The following MIR2052HG variants were observed in gnomAD, a reference collection of about 807,000 sequenced individuals.
MIR2052HG encodes MIR2052 host gene.
chr8:74,626,363 G>T (rs977787827), intron 2 of MIR2052HG, among the ~76,000 whole-genome samples: 2 of 152,160 alleles, frequency 1.3e-5, no homozygotes, highest in Admixed American at 1.3e-4. Flanking sequence ...CTTCCTTTCA[G>T]AAATTTGTAG....
intron 1 of MIR2052HG, among the ~76,000 whole-genome samples, chr8:74,604,890 G>T (rs1367826595): frequency 6.6e-6 from 1 of 152,020 alleles, no homozygotes; most frequent in Non-Finnish European, 1.5e-5. Flanking sequence ...CACCGCACCC[G>T]GCCGTTTCTT....
At chr8:74,670,300 G>C (rs745368976) in intron 2 of MIR2052HG, among the ~76,000 whole-genome samples, 7 of 136,720 alleles carry the variant, frequency 5.1e-5, no homozygotes, top group Non-Finnish European at 1.1e-4. Context: ...AACTGGCTTG[G>C]TGACTGTTGC....
chr8:74,603,123 TAA>T, intron 1 of MIR2052HG: 1 of 639,684 alleles, frequency 1.6e-6, no homozygotes. Context: ...AGAAAGGAAT[TAA>T]AACACTTTAA....
intron 1 of MIR2052HG, among the ~76,000 whole-genome samples, chr8:74,601,537 G>T (rs932356138): frequency 1.2e-4 from 19 of 152,122 alleles, no homozygotes; most frequent in Admixed American, 9.8e-4. Context: ...AGTTCCATTT[G>T]CCCAAGGATC....
intron 2 of MIR2052HG, among the ~76,000 whole-genome samples, chr8:74,628,040 C>T (rs1271652664): frequency 3.3e-5 from 5 of 152,116 alleles, no homozygotes; most frequent in African/African-American, 1.2e-4. Flanking sequence ...GACTTTGGTG[C>T]ACTGATGCCT....
chr8:74,608,200 A>G (rs1056020634), intron 1 of MIR2052HG, among the ~76,000 whole-genome samples: 3 of 151,316 alleles, frequency 2.0e-5, no homozygotes, highest in East Asian at 3.8e-4. Flanking sequence ...GTTCTGCTCT[A>G]GAGCTTCTAA....
At chr8:74,738,415 C>T (rs1314551021) in intron 4 of MIR2052HG, among the ~76,000 whole-genome samples, 1 of 152,130 alleles carries the variant, frequency 6.6e-6, no homozygotes, top group Non-Finnish European at 1.5e-5. Flanking sequence ...AAATGTAATT[C>T]TTCCTTTTTA....
chr8:74,666,502 A>G (rs749960329), intron 2 of MIR2052HG, among the ~76,000 whole-genome samples: 1 of 152,116 alleles, frequency 6.6e-6, no homozygotes, highest in Non-Finnish European at 1.5e-5. Flanking sequence ...GCTAGGACAT[A>G]TTGTCTCTGA....
chr8:74,718,307 A>T (rs182668962), intron 4 of MIR2052HG, among the ~76,000 whole-genome samples: 1 of 152,188 alleles, frequency 6.6e-6, no homozygotes, highest in African/African-American at 2.4e-5. Context: ...AGACCAGATG[A>T]CAGGGGCCTT....
At chr8:74,642,185 G>C (rs1298698640) in intron 2 of MIR2052HG, among the ~76,000 whole-genome samples, 1 of 152,064 alleles carries the variant, frequency 6.6e-6, no homozygotes, top group Non-Finnish European at 1.5e-5. Context: ...GTTGGAATTT[G>C]CATGCTATTT....
intron 4 of MIR2052HG, among the ~76,000 whole-genome samples, chr8:74,726,631 C>T (rs1809639369): frequency 6.6e-6 from 1 of 152,184 alleles, no homozygotes. Context: ...GGTTGATTCT[C>T]AAAAGCATCC....
chr8:74,724,475 A>G (rs1809614191), intron 4 of MIR2052HG, among the ~76,000 whole-genome samples: 1 of 152,170 alleles, frequency 6.6e-6, no homozygotes, highest in African/African-American at 2.4e-5. Flanking sequence ...GCACCCATTA[A>G]ATTTGCTTTT....
At chr8:74,643,242 T>A (rs1004608700) in intron 2 of MIR2052HG, among the ~76,000 whole-genome samples, 2 of 152,214 alleles carry the variant, frequency 1.3e-5, no homozygotes, top group Admixed American at 6.5e-5. Flanking sequence ...CTACCAGCTC[T>A]GCCCTGAACA....
chr8:74,707,767 A>G (rs1460830857), intron 4 of MIR2052HG, among the ~76,000 whole-genome samples: 1 of 152,136 alleles, frequency 6.6e-6, no homozygotes, highest in Non-Finnish European at 1.5e-5. Flanking sequence ...AGAAGATACC[A>G]GAGAAAGAAT....
intron 2 of MIR2052HG, among the ~76,000 whole-genome samples, chr8:74,649,884 A>G (rs1024119585): frequency 2.0e-5 from 3 of 152,046 alleles, no homozygotes; most frequent in African/African-American, 7.2e-5. Context: ...ATGTCCAGAT[A>G]GTCACCAACA....
At chr8:74,648,574 C>T (rs144682827) in intron 2 of MIR2052HG, among the ~76,000 whole-genome samples, 274 of 152,232 alleles carry the variant, frequency 1.8e-3, no homozygotes, top group African/African-American at 6.2e-3. Flanking sequence ...AGCTCAAGGT[C>T]GCCATCACGG....
chr8:74,657,105 T>C (rs1808815056), intron 2 of MIR2052HG, among the ~76,000 whole-genome samples: 1 of 152,170 alleles, frequency 6.6e-6, no homozygotes, highest in African/African-American at 2.4e-5. Flanking sequence ...GAGTACTCAT[T>C]ACCCAGGCAG....
Position 74,673,910 on chromosome 8 carries a change from T to TATATATATATAC in MIR2052HG, n.217-28468_217-28467insTATATATATACA, listed in dbSNP as rs1485340799. Among the ~76,000 whole-genome samples the TATATATATATAC allele has an allele frequency of 4.5e-3, 603 of 133,198 alleles. 10 individuals carry two copies. The highest frequency in any genetic ancestry group is 0.017 in the African/African-American group (497 of 29,510). 87.4% of individuals were successfully genotyped at this position (133,198 alleles called of 152,430 possible). A position where few individuals can be genotyped will look rare whatever the true frequency, so the allele number is the denominator to read the frequency against. Reference sequence around the variant, plus strand: ...TTGTATATATATATATATATATATATACACACACAAAATATCTATCTATAT... The same window carrying TATATATATATAC: ...TTGTATATATATATATATATATATATATATATATATACACACACACAAAATATCTATCTATAT... On this transcript the variant is annotated intron_variant and non_coding_transcript_variant, in intron 2 of 6. Coordinates refer to ENST00000523442, the Ensembl canonical transcript of MIR2052HG.
intron 4 of MIR2052HG, among the ~76,000 whole-genome samples, chr8:74,717,097 C>T (rs1048045335): frequency 4.6e-5 from 7 of 152,000 alleles, no homozygotes; most frequent in African/African-American, 7.3e-5. Flanking sequence ...CCTATCAACC[C>T]GTCATCTAGG....
Sources: allele counts gnomAD v4.1 joint callset (sites outside exome capture counted in the v4.1 genomes callset), GRCh38; gene constraint gnomAD v4.1.1; transcripts MANE v1.5; gene names NCBI Gene and HGNC (gene_info 2026-07-23, HGNC 2026-07-21).